CNTNAP2: variants seen among roughly 807,000 people sequenced by gnomAD.
CNTNAP2 encodes contactin associated protein 2.
A neutral mutation model predicts 155.2 loss-of-function variants in CNTNAP2; 98 were observed. That is an observed-to-expected ratio of 0.63 (90% confidence interval 0.54 to 0.75). The LOEUF (loss-of-function observed/expected upper bound fraction) is 0.75, where lower values mean the gene tolerates loss of function less well. CNTNAP2 is among the 30% of genes least tolerant of loss of function. CNTNAP2 has a pLI of 0.00. For synonymous variants in CNTNAP2, 651 were observed against 631.2 expected (o/e 1.03, Z -0.47); for missense variants, 1,727 against 1,688.1 (o/e 1.02, Z -0.40).
chr7:148,190,191 T>C (rs953237638), intron 18 of CNTNAP2: 5 of 152,244 alleles, frequency 3.3e-5, no homozygotes, highest in Non-Finnish European at 4.4e-5. Flanking sequence ...GACTGGGCCA[T>C]GCACATTGGA....
intron 1 of CNTNAP2, among the ~76,000 whole-genome samples, chr7:146,753,555 A>G (rs1323832866): frequency 2.0e-5 from 3 of 152,098 alleles, no homozygotes; most frequent in Non-Finnish European, 2.9e-5. Flanking sequence ...TCAATATTCT[A>G]TACTCAATTG....
At chr7:148,025,507 A>C (rs1480985999) in intron 15 of CNTNAP2, among the ~76,000 whole-genome samples, 1 of 152,160 alleles carries the variant, frequency 6.6e-6, no homozygotes, top group East Asian at 1.9e-4. Flanking sequence ...CCCTGCAATA[A>C]TTAAGTTCTT....
At chr7:148,047,164 G>A (rs796464784) in intron 15 of CNTNAP2, among the ~76,000 whole-genome samples, 6 of 152,168 alleles carry the variant, frequency 3.9e-5, no homozygotes, top group African/African-American at 1.2e-4. Flanking sequence ...CATTAATTAT[G>A]GTCGACGCTC....
intron 13 of CNTNAP2, among the ~76,000 whole-genome samples, chr7:147,883,702 G>A (rs1230784300): frequency 4.6e-5 from 7 of 152,020 alleles, no homozygotes; most frequent in Non-Finnish European, 2.9e-5. Flanking sequence ...AAAATACACC[G>A]AAACACCAGA....
chr7:146,248,364 T>C (rs575388156), intron 1 of CNTNAP2, among the ~76,000 whole-genome samples: 3 of 152,152 alleles, frequency 2.0e-5, no homozygotes, highest in African/African-American at 7.2e-5. Flanking sequence ...GACTTGCCGC[T>C]AAGGGTGAAG....
intron 3 of CNTNAP2, among the ~76,000 whole-genome samples, chr7:146,947,276 AT>A (rs1327280560): frequency 6.6e-6 from 1 of 150,906 alleles, no homozygotes; most frequent in Non-Finnish European, 1.5e-5. Flanking sequence ...CATTTTTTAA[AT>A]TTTTTTCTCC....
chr7:148,169,400 A>G (rs532461435), intron 17 of CNTNAP2, among the ~76,000 whole-genome samples: 7 of 152,372 alleles, frequency 4.6e-5, no homozygotes, highest in Non-Finnish European at 1.0e-4. Flanking sequence ...AAGTGCCTTT[A>G]AAATGTATAT....
chr7:147,113,984 A>T (rs1800935527), intron 5 of CNTNAP2, among the ~76,000 whole-genome samples: 1 of 152,018 alleles, frequency 6.6e-6, no homozygotes, highest in African/African-American at 2.4e-5. Flanking sequence ...CACTGCTTTA[A>T]CTGCATCCCA....
chr7:148,171,180 T>G (rs1169773029), intron 17 of CNTNAP2, among the ~76,000 whole-genome samples: 1 of 152,196 alleles, frequency 6.6e-6, no homozygotes, highest in Non-Finnish European at 1.5e-5. Context: ...TAAGTTGTTG[T>G]GAGGACCAGG....
At chr7:146,720,819 C>T (rs1487783624) in intron 1 of CNTNAP2, among the ~76,000 whole-genome samples, 3 of 148,656 alleles carry the variant, frequency 2.0e-5, no homozygotes, top group Admixed American at 6.7e-5. Context: ...CAAAACTAAT[C>T]TTTTGAAAGC....
At position 148,269,342 on chromosome 7, in the gene CNTNAP2, G is replaced by A. The variant is rs183028849; in HGVS notation, c.3475+2216G>A. 4.3e-4 allele frequency among the ~76,000 whole-genome samples: 66 copies of A among 152,240 alleles called. 1 individual carries two copies. In the East Asian group the frequency reaches 0.012, roughly 28 times the overall value. On this transcript the variant is annotated intron_variant, in intron 21 of 23. Transcript: ENST00000361727. ...CAGGCACAGTCTCAAATCTAGCTTT[G>A]GATTACCTCACCCTGATGTCCTTAT...
At position 147,490,470 on chromosome 7, in the gene CNTNAP2, C is replaced by G. The variant is rs540280767; in HGVS notation, c.1777+4429C>G. 2.0e-5 allele frequency among the ~76,000 whole-genome samples: 3 copies of G among 152,260 alleles called. No individual in the cohort carries two copies. The East Asian group carries it at 5.8e-4, about 29-fold the overall frequency. On this transcript the variant is annotated intron_variant, in intron 11 of 23. Transcript: ENST00000361727. The stretch of plus-strand genomic sequence containing the variant: ...TGAGAGGCGCAGTGGATTTCAACAG[C>G]CCATACCATGTTGTTGATAATCCAT...
At chr7:147,117,681 A>G (rs1242631707) in intron 5 of CNTNAP2, among the ~76,000 whole-genome samples, 2 of 152,272 alleles carry the variant, frequency 1.3e-5, no homozygotes, top group East Asian at 3.9e-4. Flanking sequence ...AGTGGTCCAA[A>G]CATTCCTGAA....
intron 4 of CNTNAP2, among the ~76,000 whole-genome samples, chr7:147,055,645 T>A (rs937900949): frequency 1.3e-5 from 2 of 152,158 alleles, no homozygotes; most frequent in East Asian, 1.9e-4. Context: ...ATGGGGGTTG[T>A]CCTTGGGAAC....
At chr7:148,415,048 C>T in intron 23 of CNTNAP2, 1 of 385,132 alleles carries the variant, frequency 2.6e-6, no homozygotes, top group East Asian at 6.0e-5. Context: ...CCTCCCTACA[C>T]TGCTGTCCAA....
intron 1 of CNTNAP2, among the ~76,000 whole-genome samples, chr7:146,675,163 T>C (rs1800376834): frequency 1.0e-5 from 1 of 96,094 alleles, no homozygotes; most frequent in Admixed American, 8.6e-5. Flanking sequence ...ATCCAGTAGA[T>C]GTTTGAGAAA....
intron 1 of CNTNAP2, among the ~76,000 whole-genome samples, chr7:146,651,551 T>A (rs1224516433): frequency 6.6e-6 from 1 of 152,202 alleles, no homozygotes; most frequent in Non-Finnish European, 1.5e-5. Flanking sequence ...ATGTTGAACA[T>A]TGAATTACTA....
At chr7:147,784,039 A>T (rs542399388) in intron 13 of CNTNAP2, among the ~76,000 whole-genome samples, 2 of 152,036 alleles carry the variant, frequency 1.3e-5, no homozygotes, top group African/African-American at 2.4e-5. Flanking sequence ...GAGCCCTTAG[A>T]GTTCCTTGAT....
At chr7:148,051,368 T>C (rs1053539641) in intron 15 of CNTNAP2, among the ~76,000 whole-genome samples, 11 of 152,140 alleles carry the variant, frequency 7.2e-5, no homozygotes, top group African/African-American at 2.2e-4. Flanking sequence ...GGTTGTTAAG[T>C]GGCCATCCGG....
Sources: allele counts gnomAD v4.1 joint callset (sites outside exome capture counted in the v4.1 genomes callset), GRCh38; gene constraint gnomAD v4.1.1; transcripts MANE v1.5; gene names NCBI Gene and HGNC (gene_info 2026-07-23, HGNC 2026-07-21).